DMD: variants seen among roughly 807,000 people sequenced by gnomAD.
DMD encodes the protein dystrophin.
In DMD, 63 loss-of-function variants were observed where a neutral mutation model predicts 330.1. That is an observed-to-expected ratio of 0.19 (90% confidence interval 0.16 to 0.24). The LOEUF is 0.24. DMD is among the 10% of genes least tolerant of loss of function. The pLI is 1.00. For synonymous variants in DMD, 1,223 were observed against 959.8 expected, an observed-to-expected ratio of 1.27 and a Z score of -5.07; for missense variants, 3,344 against 2,684.1, an observed-to-expected ratio of 1.25 and a Z score of -5.43.
intron 15 of DMD, among the ~76,000 whole-genome samples, chrX:32,570,617 G>T (rs1010724185): frequency 9.0e-6 from 1 of 111,605 alleles, no homozygotes; most frequent in Non-Finnish European, 1.9e-5. Context: ...GAAATAGATT[G>T]AAAGGCCTGG....
intron 44 of DMD, among the ~76,000 whole-genome samples, chrX:32,193,185 C>T (rs760190927): frequency 5.4e-5 from 6 of 111,827 alleles, no homozygotes; most frequent in African/African-American, 2.0e-4. Flanking sequence ...GAAGGAGATG[C>T]TGCTATGCTT....
intron 42 of DMD, among the ~76,000 whole-genome samples, chrX:32,305,351 A>G (rs545804886): frequency 9.0e-6 from 1 of 111,566 alleles, no homozygotes; most frequent in South Asian, 3.7e-4. Context: ...AGACTGAAGA[A>G]TCGAAGACTA....
chrX:33,229,510 G>C (rs1400154673), intron 1 of DMD, among the ~76,000 whole-genome samples: 1 of 111,416 alleles, frequency 9.0e-6, no homozygotes, highest in Non-Finnish European at 1.9e-5. Flanking sequence ...GAAATGGAAA[G>C]GCTGTTAAAA....
At chrX:32,589,480 A>ATG (rs763480869) in intron 13 of DMD, among the ~76,000 whole-genome samples, 1 of 110,660 alleles carries the variant, frequency 9.0e-6, no homozygotes, top group Non-Finnish European at 1.9e-5. Flanking sequence ...AGATGTACGT[A>ATG]TGTATATATA....
chrX:33,028,641 C>G (rs990326131), intron 1 of DMD, among the ~76,000 whole-genome samples: 2 of 112,233 alleles, frequency 1.8e-5, no homozygotes, highest in Non-Finnish European at 1.9e-5. Flanking sequence ...CTATTAAGAT[C>G]TAGGTCGAAT....
intron 48 of DMD, among the ~76,000 whole-genome samples, chrX:31,860,388 A>T (rs1332082406): frequency 8.9e-6 from 1 of 111,900 alleles, no homozygotes; most frequent in African/African-American, 3.2e-5. Flanking sequence ...GGAACCTTTT[A>T]ATTTCTATTG....
chrX:32,602,046 T>C, intron 12 of DMD, among the ~76,000 whole-genome samples: 1 of 112,198 alleles, frequency 8.9e-6, no homozygotes, highest in East Asian at 2.8e-4. Context: ...AATGTGATTT[T>C]TGAAAAGTCA....
chrX:32,711,614 G>C (rs1354642252), intron 7 of DMD, among the ~76,000 whole-genome samples: 1 of 111,793 alleles, frequency 8.9e-6, no homozygotes, highest in Non-Finnish European at 1.9e-5. Context: ...TATTACAAAA[G>C]CCATACATGC....
intron 1 of DMD, among the ~76,000 whole-genome samples, chrX:33,026,406 A>C (rs375904161): frequency 9.3e-6 from 1 of 107,335 alleles, no homozygotes; most frequent in Non-Finnish European, 1.9e-5. Flanking sequence ...AGTTCAGTCT[A>C]TTCTCTGCTT....
Position 32,302,165 on chromosome X carries a change from G to A in DMD, c.6117+7917C>T, listed in dbSNP as rs1052723608. On this transcript the variant is annotated intron_variant, in intron 42 of 78. Transcript: ENST00000357033. ...GTGAGAAAGTGATATACATTCATTCGAAACCATACTTCAGTATAGTATTCA... is the reference window on the plus strand; with the variant it reads ...GTGAGAAAGTGATATACATTCATTCAAAACCATACTTCAGTATAGTATTCA... Among the ~76,000 whole-genome samples, 3 of 110,937 alleles carry A rather than the reference G, an allele frequency of 2.7e-5. No homozygotes were observed. The East Asian group carries it at 8.4e-4, about 31-fold the overall frequency.
intron 17 of DMD, among the ~76,000 whole-genome samples, chrX:32,528,721 C>G (rs906884467): frequency 1.8e-5 from 2 of 110,644 alleles, no homozygotes; most frequent in Non-Finnish European, 3.8e-5. Flanking sequence ...AAAGCTTCAT[C>G]TACATGATAA....
At chrX:33,308,907 A>G (rs1171869447) in intron 1 of DMD, among the ~76,000 whole-genome samples, 11 of 111,738 alleles carry the variant, frequency 9.8e-5, no homozygotes, top group African/African-American at 3.6e-4. Context: ...AATAGGATGA[A>G]AGATATTTTG....
At chrX:31,229,808 A>G (rs1014083698) in intron 63 of DMD, among the ~76,000 whole-genome samples, 1 of 112,006 alleles carries the variant, frequency 8.9e-6, no homozygotes, top group Non-Finnish European at 1.9e-5. Context: ...ATATAATAAT[A>G]TGTCTCCAAT....
chrX:32,746,140 G>A (rs943477255), intron 7 of DMD, among the ~76,000 whole-genome samples: 1 of 111,694 alleles, frequency 9.0e-6, no homozygotes, highest in African/African-American at 3.2e-5. Context: ...TGTTCTCTGG[G>A]TAATGGAGTA....
chrX:32,270,888 A>G (rs16998277), intron 43 of DMD, among the ~76,000 whole-genome samples: 6,597 of 111,528 alleles, frequency 0.059, 486 homozygotes, highest in African/African-American at 0.2. Context: ...GTCACACAGC[A>G]TTATTGTGGT....
intron 55 of DMD, among the ~76,000 whole-genome samples, chrX:31,514,315 A>T (rs1015644239): frequency 8.9e-6 from 1 of 111,890 alleles, no homozygotes; most frequent in Non-Finnish European, 1.9e-5. Context: ...GTACCAAAAA[A>T]GTTCAGTTAT....
At chrX:32,489,998 G>T (rs770698003) in intron 20 of DMD, among the ~76,000 whole-genome samples, 1 of 112,037 alleles carries the variant, frequency 8.9e-6, no homozygotes, top group African/African-American at 3.2e-5. Context: ...CACAAGAACA[G>T]AAAACCTAAT....
chrX:32,786,073 G>A (rs1282416888), intron 7 of DMD, among the ~76,000 whole-genome samples: 1 of 99,711 alleles, frequency 1.0e-5, no homozygotes, highest in African/African-American at 4.0e-5. Context: ...CTTGCCTCTT[G>A]AGGAGGAATA....
At chrX:32,300,282 T>C (rs1175192734) in intron 42 of DMD, among the ~76,000 whole-genome samples, 1 of 111,937 alleles carries the variant, frequency 8.9e-6, no homozygotes, top group Non-Finnish European at 1.9e-5. Context: ...ATTCAGGTAA[T>C]TCCTTGTTTA....
Sources: gnomAD v4.1 joint callset for allele counts (sites outside exome capture counted in the v4.1 genomes callset) on GRCh38, gnomAD v4.1.1 for gene constraint, MANE v1.5 for transcripts, NCBI Gene and HGNC (gene_info 2026-07-23, HGNC 2026-07-21) for gene names.